Variants in ZFHX3 observed in about 807,000 individuals in gnomAD.
The protein encoded by ZFHX3 is zinc finger homeobox 3, also known as zinc finger homeobox protein 3.
In ZFHX3, 42 loss-of-function variants were observed where a neutral mutation model predicts 279.1. The observed-to-expected ratio is 0.15, with a 90% CI of 0.12 to 0.19. ZFHX3 has a LOEUF of 0.19. ZFHX3 is among the 10% of genes least tolerant of loss of function. The pLI is 1.00. For missense variants in ZFHX3, 4,981 were observed against 4,754.0 expected, an observed-to-expected ratio of 1.05 and a Z score of -1.40; for synonymous variants, 2,293 against 1,957.8, an observed-to-expected ratio of 1.17 and a Z score of -4.52.
chr16:73,472,845 C>G (rs1302713732), intron 2 of ZFHX3, among the ~76,000 whole-genome samples: 2 of 152,166 alleles, frequency 1.3e-5, no homozygotes, highest in Admixed American at 1.3e-4. Context: ...CTCGCCCAGC[C>G]CAGAAGCATG....
chr16:72,943,049 T>G (rs1443833203), intron 3 of ZFHX3, among the ~76,000 whole-genome samples: 90 of 152,214 alleles, frequency 5.9e-4, no homozygotes, highest in Admixed American at 5.9e-3. Context: ...TACCTAAATC[T>G]GTGGATCATT....
upstream of ZFHX3, chr16:73,061,306 G>T (rs927120555): frequency 6.6e-6 from 1 of 151,210 alleles, no homozygotes; most frequent in African/African-American, 2.4e-5. Context: ...CTGGGCTCTC[G>T]ATAGCCCTGG....
At chr16:73,648,118 A>G (rs1190782244) in intron 2 of ZFHX3, among the ~76,000 whole-genome samples, 3 of 152,240 alleles carry the variant, frequency 2.0e-5, no homozygotes, top group Non-Finnish European at 1.5e-5. Flanking sequence ...CACACACCCT[A>G]TGATACACTT....
intron 4 of ZFHX3, among the ~76,000 whole-genome samples, chr16:73,300,728 T>C (rs998666394): frequency 1.3e-5 from 2 of 152,152 alleles, no homozygotes; most frequent in African/African-American, 4.8e-5. Flanking sequence ...GGTCTCGAAC[T>C]CCTGACCTCA....
rs56706420 is a variant in ZFHX3, at chr16:73,810,382, G to T, written c.-1608+81269C>A. On this transcript the variant is annotated intron_variant, in intron 1 of 17. Coordinates refer to the ZFHX3 transcript ENST00000641206. ...TTGCATAGAAAGTTTACAAATAAAG[G>T]TTCTTTAAAAAGATAAGTCTTTAAT... Among the ~76,000 whole-genome samples, 1,317 of 152,140 alleles carry T rather than the reference G, an allele frequency of 8.7e-3. 7 individuals are homozygous for T. The highest frequency in any genetic ancestry group is 0.017 in the African/African-American group (726 of 41,528).
chr16:73,779,385 A>G (rs1328565429), intron 1 of ZFHX3, among the ~76,000 whole-genome samples: 1 of 150,100 alleles, frequency 6.7e-6, no homozygotes, highest in Non-Finnish European at 1.5e-5. Context: ...CAACAATGAC[A>G]ATGATGAAGA....
chr16:73,813,931 G>A (rs1284639378), intron 1 of ZFHX3: 2 of 152,134 alleles, frequency 1.3e-5, no homozygotes, highest in African/African-American at 2.4e-5. Context: ...CTATTAGTTG[G>A]GCTGAATTTA....
intron 1 of ZFHX3, among the ~76,000 whole-genome samples, chr16:73,695,064 T>C (rs994357531): frequency 3.3e-5 from 5 of 152,142 alleles, no homozygotes; most frequent in Admixed American, 6.5e-5. Context: ...CAGACCTATT[T>C]ACACAAGGGA....
intron 1 of ZFHX3, among the ~76,000 whole-genome samples, chr16:73,818,881 CA>C (rs1348405494): frequency 1.3e-5 from 2 of 152,138 alleles, no homozygotes; most frequent in African/African-American, 4.8e-5. Context: ...TAAACAATGA[CA>C]ACCACACAAA....
intron 1 of ZFHX3, among the ~76,000 whole-genome samples, chr16:73,871,535 C>T (rs2142401029): frequency 6.6e-6 from 1 of 151,452 alleles, no homozygotes; most frequent in East Asian, 1.9e-4. Context: ...TATGACTTTG[C>T]CTGAAATAGC....
intron 7 of ZFHX3, among the ~76,000 whole-genome samples, chr16:73,102,263 A>C (rs1597156995): frequency 1.3e-5 from 2 of 152,150 alleles, no homozygotes; most frequent in Non-Finnish European, 2.9e-5. Context: ...GGAAATGTTC[A>C]CCTGAGCTCA....
intron 2 of ZFHX3, among the ~76,000 whole-genome samples, chr16:73,601,934 G>A (rs1343656478): frequency 6.6e-6 from 1 of 152,172 alleles, no homozygotes; most frequent in South Asian, 2.1e-4. Flanking sequence ...GAGAGAGGAA[G>A]GGGAGTGGGC....
Position 73,763,367 on chromosome 16 carries a change from C to T in ZFHX3, c.-1607-83127G>A, listed in dbSNP as rs200762914. Among the ~76,000 whole-genome samples the T allele has an allele frequency of 5.9e-5, 9 of 152,272 alleles. 1 individual carries two copies. In the East Asian group the frequency reaches 1.7e-3, roughly 29 times the overall value. ...TGAGGTGTGTAATTGTAAATCAATT[C>T]TAATTAATGTCTTCCCATTTCTTGG... is the stretch of plus-strand genomic sequence containing the variant. On this transcript the variant is annotated intron_variant, in intron 1 of 17. Coordinates refer to the ZFHX3 transcript ENST00000641206.
chr16:73,458,413 T>C (rs1049613985), intron 2 of ZFHX3, among the ~76,000 whole-genome samples: 3 of 141,040 alleles, frequency 2.1e-5, no homozygotes, highest in African/African-American at 7.6e-5. Context: ...TCTTACTCAA[T>C]TGCCCAGGCT....
At position 73,289,254 on chromosome 16, in the gene ZFHX3, T is replaced by C. The variant is rs191482648; in HGVS notation, c.-1194+28986A>G. ...CCCTCCAAAGGGGAAATCGAGCGTG[T>C]GGTTTTAGTTGGTGATTTAAAGCTC... On this transcript the variant is annotated intron_variant, in intron 4 of 17. Transcript: ENST00000641206. 1.0e-3 allele frequency among the ~76,000 whole-genome samples: 154 copies of C among 151,768 alleles called. 2 individuals carry two copies. The highest frequency in any genetic ancestry group is 3.5e-3 in the African/African-American group (145 of 41,380).
intron 3 of ZFHX3, among the ~76,000 whole-genome samples, chr16:72,898,189 G>A (rs74028143): frequency 0.075 from 11,447 of 152,146 alleles, 571 homozygotes; most frequent in East Asian, 0.21. Context: ...CGTCCTTGAC[G>A]CATGCTAATT....
At chr16:73,182,392 G>T (rs1035206765) in intron 5 of ZFHX3, among the ~76,000 whole-genome samples, 3 of 152,224 alleles carry the variant, frequency 2.0e-5, no homozygotes, top group African/African-American at 4.8e-5. Flanking sequence ...GGGAGGCAGA[G>T]GTTGCAGTGA....
In ZFHX3 at chr16:73,390,477, C is replaced by T. The variant is rs574646320; in HGVS notation, c.-1291+65526G>A. 2.2e-4 allele frequency among the ~76,000 whole-genome samples: 33 copies of T among 152,236 alleles called. No individual in the cohort carries two copies. The South Asian group carries it at 6.4e-3, about 30-fold the overall frequency. ...AAGCTGGATATGCCAAGCTTTGCACCGGTGGCTGGAGGCCTAGCGGGGATT... is the reference window on the plus strand; with the variant it reads ...AAGCTGGATATGCCAAGCTTTGCACTGGTGGCTGGAGGCCTAGCGGGGATT... On this transcript the variant is annotated intron_variant, in intron 3 of 17. Transcript: ENST00000641206.
chr16:73,278,533 G>A (rs2014367007), intron 4 of ZFHX3, among the ~76,000 whole-genome samples: 1 of 152,192 alleles, frequency 6.6e-6, no homozygotes, highest in Non-Finnish European at 1.5e-5. Context: ...TTATTGTGAA[G>A]AGCAAAAGAA....
Sources: gnomAD v4.1 joint callset for allele counts (sites outside exome capture counted in the v4.1 genomes callset) on GRCh38, gnomAD v4.1.1 for gene constraint, MANE v1.5 for transcripts, NCBI Gene and HGNC (gene_info 2026-07-23, HGNC 2026-07-21) for gene names.